BBS9: variants seen among roughly 807,000 people sequenced by gnomAD.
BBS9 encodes protein PTHB1.
Under a neutral mutation model 117.7 loss-of-function variants are expected in BBS9, and 89 were observed. The observed-to-expected ratio is 0.76, with a 90% CI of 0.64 to 0.90. The LOEUF is 0.90. BBS9 is among the 40% of genes least tolerant of loss of function. BBS9 has a pLI of 0.00. For missense variants in BBS9, 982 were observed against 1,042.2 expected (o/e 0.94, Z 0.80); for synonymous variants, 379 against 370.9 (o/e 1.02, Z -0.25).
intron 21 of BBS9, among the ~76,000 whole-genome samples, chr7:33,536,124 AGT>A (rs1169577160): frequency 6.6e-6 from 1 of 152,158 alleles, no homozygotes; most frequent in African/African-American, 2.4e-5. Flanking sequence ...AAAGATGGAC[AGT>A]GTGTTTGTTC....
At chr7:33,287,004 G>A (rs1317977543) in intron 9 of BBS9, among the ~76,000 whole-genome samples, 2 of 152,130 alleles carry the variant, frequency 1.3e-5, no homozygotes. Flanking sequence ...GAAGAACTTA[G>A]AACTTTGGGC....
At chr7:33,253,875 A>G (rs561400666) in intron 5 of BBS9, among the ~76,000 whole-genome samples, 2 of 152,270 alleles carry the variant, frequency 1.3e-5, no homozygotes, top group South Asian at 4.1e-4. Context: ...GCGTCTGTAA[A>G]TAGAGGACTG....
At chr7:33,565,811 A>C (rs866606854) in intron 21 of BBS9, among the ~76,000 whole-genome samples, 1 of 67,018 alleles carries the variant, frequency 1.5e-5, no homozygotes, top group Admixed American at 1.4e-4. Flanking sequence ...ATATATATAT[A>C]TATATATATA....
At chr7:33,486,159 T>A (rs960507641) in intron 19 of BBS9, among the ~76,000 whole-genome samples, 7 of 152,218 alleles carry the variant, frequency 4.6e-5, no homozygotes, top group African/African-American at 1.4e-4. Flanking sequence ...AGGCACAGTT[T>A]TTTTTTCCCT....
intron 17 of BBS9, among the ~76,000 whole-genome samples, chr7:33,379,342 A>G (rs1360007441): frequency 6.6e-6 from 1 of 152,134 alleles, no homozygotes; most frequent in East Asian, 1.9e-4. Context: ...ATCTTTTTTA[A>G]GATTGTAATA....
chr7:33,524,907 C>T (rs1277755833), intron 20 of BBS9, among the ~76,000 whole-genome samples: 51 of 152,314 alleles, frequency 3.3e-4, no homozygotes, highest in Middle Eastern at 3.4e-3. Flanking sequence ...TTTCCCTGTA[C>T]GCACTGCTTT....
chr7:33,267,246 A>T, intron 7 of BBS9, among the ~76,000 whole-genome samples: 1 of 152,010 alleles, frequency 6.6e-6, no homozygotes, highest in East Asian at 1.9e-4. Flanking sequence ...TCTTTTGATT[A>T]GTGTTATTCT....
intron 19 of BBS9, among the ~76,000 whole-genome samples, chr7:33,469,106 A>AAGTAGT (rs897268063): frequency 5.9e-5 from 9 of 152,092 alleles, no homozygotes; most frequent in African/African-American, 2.2e-4. Flanking sequence ...GTGCATTGGT[A>AAGTAGT]AGTAGTGTCA....
At chr7:33,531,282 A>T (rs1316856014) in intron 20 of BBS9, among the ~76,000 whole-genome samples, 3 of 152,154 alleles carry the variant, frequency 2.0e-5, no homozygotes, top group African/African-American at 7.2e-5. Flanking sequence ...GAGCCTCATA[A>T]ACCTAGAAGA....
chr7:33,365,812 G>C (rs908940748), intron 16 of BBS9, among the ~76,000 whole-genome samples: 1 of 152,254 alleles, frequency 6.6e-6, no homozygotes, highest in African/African-American at 2.4e-5. Context: ...GGGAGCCCGA[G>C]ATGGGAGCAT....
At chr7:33,327,289 A>G (rs950310506) in intron 9 of BBS9, among the ~76,000 whole-genome samples, 11 of 152,314 alleles carry the variant, frequency 7.2e-5, no homozygotes, top group Non-Finnish European at 1.5e-4. Context: ...CAGAGGAGCC[A>G]CCGGAGGATT....
chr7:33,489,609 A>C (rs1235150097), intron 19 of BBS9, among the ~76,000 whole-genome samples: 1 of 152,036 alleles, frequency 6.6e-6, no homozygotes, highest in Non-Finnish European at 1.5e-5. Context: ...GTTCCCCAAT[A>C]ATCTGTGTAA....
chr7:33,499,662 G>A (rs993646441), intron 19 of BBS9, among the ~76,000 whole-genome samples: 3 of 152,142 alleles, frequency 2.0e-5, no homozygotes, highest in Admixed American at 1.3e-4. Context: ...TCATAGTGAC[G>A]TTTCTTGGGT....
chr7:33,148,983 T>G (rs1317750180), intron 2 of BBS9, among the ~76,000 whole-genome samples: 1 of 152,182 alleles, frequency 6.6e-6, no homozygotes, highest in East Asian at 1.9e-4. Flanking sequence ...CAAGAGTGGA[T>G]GTGTGGGCAC....
At chr7:33,437,602 A>G (rs529811410) in intron 19 of BBS9, among the ~76,000 whole-genome samples, 2 of 152,182 alleles carry the variant, frequency 1.3e-5, no homozygotes, top group East Asian at 3.8e-4. Context: ...GTTTTTGGGC[A>G]GTGCCTCATG....
At chr7:33,427,985 T>C (rs951952801) in intron 19 of BBS9, among the ~76,000 whole-genome samples, 2 of 152,174 alleles carry the variant, frequency 1.3e-5, no homozygotes, top group African/African-American at 4.8e-5. Context: ...AATACACGTA[T>C]GTATGTATGA....
intron 9 of BBS9, among the ~76,000 whole-genome samples, chr7:33,277,399 T>C (rs757118982): frequency 2.3e-4 from 35 of 152,180 alleles, no homozygotes; most frequent in Non-Finnish European, 3.7e-4. Flanking sequence ...TCCCTTTTTA[T>C]ATGAGGGACA....
At chr7:33,427,838 G>C (rs991546566) in intron 19 of BBS9, among the ~76,000 whole-genome samples, 1 of 152,126 alleles carries the variant, frequency 6.6e-6, no homozygotes, top group African/African-American at 2.4e-5. Flanking sequence ...GTGTAGCTAA[G>C]CGTAGGATAT....
chr7:33,129,363 G>A (rs932321109), upstream of BBS9: 2 of 464,786 alleles, frequency 4.3e-6, no homozygotes. Context: ...CAGGGCAGAG[G>A]ATTGCAGTAA....
Sources: gnomAD v4.1 joint callset for allele counts (sites outside exome capture counted in the v4.1 genomes callset) on GRCh38, gnomAD v4.1.1 for gene constraint, MANE v1.5 for transcripts, NCBI Gene and HGNC (gene_info 2026-07-23, HGNC 2026-07-21) for gene names.